The following SNF8 variants were observed in gnomAD, a reference collection of about 807,000 sequenced individuals.
SNF8 encodes the protein vacuolar-sorting protein SNF8.
In SNF8, 19 loss-of-function variants were observed where a neutral mutation model predicts 36.8. The observed-to-expected ratio is 0.52, with a 90% CI of 0.36 to 0.76. The LOEUF is 0.76. Ranked by LOEUF, SNF8 falls within the 30% of genes least tolerant of loss-of-function variation. The probability of loss-of-function intolerance (pLI) is 0.00; values close to 1 mark genes in which losing one functional copy is unlikely to be tolerated. For missense variants in SNF8, 268 were observed against 322.9 expected, an observed-to-expected ratio of 0.83 and a Z score of 1.30; for synonymous variants, 127 against 127.4, an observed-to-expected ratio of 1.00 and a Z score of 0.02.
rs2040825416 is a variant in SNF8 at position 48,929,531 on chromosome 17, T to C, written c.*944A>G. ...CCTCTTCCCTCATCACCACTTCTACTTGCTATAGGAGATTCTTGCTTTCTG... is the reference window on the plus strand; with the variant it reads ...CCTCTTCCCTCATCACCACTTCTACCTGCTATAGGAGATTCTTGCTTTCTG... On this transcript the variant is annotated 3_prime_UTR_variant, in exon 8 of 8. Coordinates refer to ENST00000502492, the MANE Select transcript of SNF8 (RefSeq NM_007241.4). The C allele has an allele frequency of 6.6e-6, 1 of 152,170 alleles. No homozygotes were observed. The allele number at this position is 152,170 out of a possible 1,614,324, so 9.4% of individuals were successfully genotyped here.
At chr17:48,931,851 T>C (rs1275226785) in intron 6 of SNF8, 134 bp from the exon 7 acceptor site, 1 of 657,830 alleles carries the variant, frequency 1.5e-6, no homozygotes, top group African/African-American at 1.8e-5. Flanking sequence ...CAGAAAATGT[T>C]TAAAGGTTCC....
chr17:48,932,988 A>G, intron 6 of SNF8: 1 of 454,084 alleles, frequency 2.2e-6, no homozygotes, highest in Admixed American at 3.7e-5. Flanking sequence ...TGAGAGCAGG[A>G]ATTTTATCAT....
In SNF8 at chr17:48,929,712, C is replaced by T. The variant is rs1393533866; in HGVS notation, c.*763G>A. 2.0e-5 allele frequency: 3 copies of T among 152,160 alleles called. No homozygotes were observed. Among genetic ancestry groups the T allele is most frequent in the African/African-American group, 7.2e-5 (3 of 41,418 alleles). The allele number at this position is 152,160 out of a possible 1,614,324, so 9.4% of individuals were successfully genotyped here. A position where few individuals can be genotyped will look rare whatever the true frequency, so the allele number is the denominator to read the frequency against. ...TTAGCTCGGCTGAAGCTGGCGGCCC[C>T]TGGCAAATTACTTTGATTGAATCAC... On this transcript the variant is annotated 3_prime_UTR_variant, in exon 8 of 8. Coordinates refer to ENST00000502492, the MANE Select transcript of SNF8 (RefSeq NM_007241.4).
intron 4 of SNF8, 47 bp downstream of exon 4, chr17:48,936,973 T>C (rs2040943216): frequency 7.4e-7 from 1 of 1,353,512 alleles, no homozygotes; most frequent in Non-Finnish European, 1.1e-6. Context: ...GTTTTCTCCC[T>C]CTCAGAGAAG....
intron 3 of SNF8, among the ~76,000 whole-genome samples, chr17:48,940,520 G>A (rs1281954202): frequency 6.6e-6 from 1 of 151,992 alleles, no homozygotes; most frequent in Non-Finnish European, 1.5e-5. Flanking sequence ...GCCAGGCGCA[G>A]TGGCTCATGC....
intron 3 of SNF8, among the ~76,000 whole-genome samples, chr17:48,940,303 AG>A (rs2143814595): frequency 6.6e-6 from 1 of 151,818 alleles, no homozygotes; most frequent in African/African-American, 2.4e-5. Flanking sequence ...GGCCTTGCAA[AG>A]TGCTGGGATT....
chr17:48,935,273 G>A (rs1408825015), intron 5 of SNF8, among the ~76,000 whole-genome samples: 1 of 152,132 alleles, frequency 6.6e-6, no homozygotes, highest in Non-Finnish European at 1.5e-5. Flanking sequence ...CAGCACTTTG[G>A]GAGGCTGAGG....
In SNF8 at chr17:48,941,008, G is replaced by A. The variant is rs758861570; in HGVS notation, c.160C>T (p.His54Tyr). The A allele has an allele frequency of 3.2e-5, 52 of 1,613,676 alleles. No homozygotes were observed. Among genetic ancestry groups the A allele is most frequent in the Non-Finnish European group, 4.2e-5 (49 of 1,180,032 alleles). Residue 54 changes from histidine (H) to tyrosine (Y), a missense_variant, in exon 3 of 8, where the codon CAC becomes TAC. Physicochemically the swap from His to Tyr is moderately conservative, Grantham distance 83. Transcript: ENST00000502492. ...GGATTCTTCCGGATCTCCTGCTTGT[G>A]TTTGCTGGCAAATTCCTCCAGGTTG... The part of the protein sequence containing the change: ...KTNLEEFASK[H>Y]KQEIRKNPEF...
rs1309865572 is a variant in SNF8 at position 48,929,545 on chromosome 17, T to C, written c.*930A>G. The C allele has an allele frequency of 1.3e-5, 2 of 152,082 alleles. No homozygotes were observed. Among genetic ancestry groups the C allele is most frequent in the Non-Finnish European group, 2.9e-5 (2 of 68,072 alleles). The allele number at this position is 152,082 out of a possible 1,614,324, so 9.4% of individuals were successfully genotyped here. ...ACCACTTCTACTTGCTATAGGAGATTCTTGCTTTCTGATGCAGAGGCTTTT... is the reference window on the plus strand; with the variant it reads ...ACCACTTCTACTTGCTATAGGAGATCCTTGCTTTCTGATGCAGAGGCTTTT... On this transcript the variant is annotated 3_prime_UTR_variant, in exon 8 of 8. Transcript: ENST00000502492.
intron 5 of SNF8, 148 bp downstream of exon 5, chr17:48,936,022 T>TTGTTC: frequency 1.6e-6 from 1 of 607,822 alleles, no homozygotes; most frequent in Non-Finnish European, 2.8e-6. Context: ...TATTTTTTGT[T>TTGTTC]TGTTTTTTGT....
rs377002684 is a variant in SNF8, at chr17:48,933,880, G to A, written c.423-534C>T. Among the ~76,000 whole-genome samples the A allele has an allele frequency of 2.2e-4, 33 of 152,312 alleles. No individual in the cohort carries two copies. In the South Asian group the frequency reaches 6.0e-3, roughly 28 times the overall value. ...CCACTCATTCCAACATCCAGACAGC[G>A]GTCAAAGATACACCTGCAGATGCCC... On this transcript the variant is annotated intron_variant, in intron 5 of 7. Transcript: ENST00000502492.
intron 2 of SNF8, among the ~76,000 whole-genome samples, chr17:48,942,986 C>T (rs2041052552): frequency 6.6e-6 from 1 of 151,788 alleles, no homozygotes; most frequent in African/African-American, 2.4e-5. Context: ...CTACCTCAGC[C>T]TCCCCAGTAG....
intron 6 of SNF8, 72 bp from the exon 7 acceptor site, chr17:48,931,789 G>T: frequency 1.7e-6 from 2 of 1,206,532 alleles, no homozygotes; most frequent in Non-Finnish European, 2.4e-6. Context: ...ATCTGCCCAG[G>T]AACAAGAGAC....
At chr17:48,933,175 A>G (rs1220546414) in intron 6 of SNF8, 30 bp downstream of exon 6, 10 of 1,583,874 alleles carry the variant, frequency 6.3e-6, no homozygotes, top group Admixed American at 5.1e-5. Flanking sequence ...TGTCCCTTGC[A>G]CACACACACA....
chr17:48,940,559 G>A (rs551914124), intron 3 of SNF8, among the ~76,000 whole-genome samples: 2 of 152,080 alleles, frequency 1.3e-5, no homozygotes, highest in South Asian at 4.2e-4. Context: ...GGGAGGCCGA[G>A]GCGGGCGGAT....
chr17:48,937,987 C>A (rs1277601989), intron 3 of SNF8, among the ~76,000 whole-genome samples: 1 of 151,710 alleles, frequency 6.6e-6, no homozygotes, highest in Non-Finnish European at 1.5e-5. Flanking sequence ...AAAGTCATTT[C>A]TATTTGGCTA....
intron 1 of SNF8, 72 bp downstream of exon 1, chr17:48,944,609 G>T: frequency 1.3e-6 from 2 of 1,503,402 alleles, no homozygotes; most frequent in African/African-American, 1.4e-5. Flanking sequence ...TAACGGGTAG[G>T]ACACTGCTCC....
chr17:48,943,599 C>T (rs2041061765), intron 2 of SNF8, among the ~76,000 whole-genome samples: 1 of 81,490 alleles, frequency 1.2e-5, no homozygotes, highest in Non-Finnish European at 2.4e-5. Flanking sequence ...CAGAGCAAGA[C>T]TCCCTCAAAA....
intron 4 of SNF8, 191 bp downstream of exon 4, chr17:48,936,829 A>ACAAT (rs1491177378): frequency 1.6e-6 from 1 of 614,672 alleles, no homozygotes; most frequent in Non-Finnish European, 2.9e-6. Flanking sequence ...GAGAACAGAG[A>ACAAT]CAATCGTTCA....
Sources: gnomAD v4.1 joint callset for allele counts (sites outside exome capture counted in the v4.1 genomes callset) on GRCh38, gnomAD v4.1.1 for gene constraint, MANE v1.5 for transcripts, NCBI Gene and HGNC (gene_info 2026-07-23, HGNC 2026-07-21) for gene names.